The following ACACB variants were observed in gnomAD, a reference collection of about 807,000 sequenced individuals.
ACACB encodes acetyl-CoA carboxylase 2.
ACACB carries 209 observed loss-of-function variants against 278.8 expected under a neutral mutation model. That is an observed-to-expected ratio of 0.75 (90% confidence interval 0.67 to 0.84). The LOEUF (loss-of-function observed/expected upper bound fraction) is 0.84. Ranked by LOEUF, ACACB falls within the 40% of genes least tolerant of loss-of-function variation. ACACB has a pLI of 0.00. For missense variants in ACACB, 2,850 were observed against 3,269.0 expected, an observed-to-expected ratio of 0.87 and a Z score of 3.13; for synonymous variants, 1,174 against 1,285.6, an observed-to-expected ratio of 0.91 and a Z score of 1.86.
chr12:109,214,041 G>A (rs911915884), intron 22 of ACACB, among the ~76,000 whole-genome samples: 3 of 151,926 alleles, frequency 2.0e-5, no homozygotes, highest in South Asian at 2.1e-4. Flanking sequence ...GATCACTTGA[G>A]GCCAGGAGTT....
chr12:109,113,932 G>T (rs1182854085), upstream of ACACB, among the ~76,000 whole-genome samples: 3 of 152,124 alleles, frequency 2.0e-5, no homozygotes, highest in African/African-American at 7.2e-5. Context: ...CTGTAATTTG[G>T]GTCTGACAAC....
At chr12:109,192,046 C>T (rs1309083544) in intron 15 of ACACB, 96 bp downstream of exon 15, 1 of 1,285,000 alleles carries the variant, frequency 7.8e-7, no homozygotes, top group Non-Finnish European at 1.1e-6. Context: ...CAGTTAGTCA[C>T]CAGGCAATTG....
At chr12:109,125,203 G>A (rs759715059) in intron 1 of ACACB, 1 of 152,172 alleles carries the variant, frequency 6.6e-6, no homozygotes, top group Non-Finnish European at 1.5e-5. Flanking sequence ...TTTGTTTTGA[G>A]GGGTGTTACG....
At chr12:109,130,799 C>A (rs2042805057) in intron 1 of ACACB, among the ~76,000 whole-genome samples, 1 of 152,156 alleles carries the variant, frequency 6.6e-6, no homozygotes, top group Non-Finnish European at 1.5e-5. Context: ...CCCCTGACCA[C>A]CCCCTCTTTG....
At chr12:109,221,618 C>G (rs962662340) in intron 24 of ACACB, among the ~76,000 whole-genome samples, 1 of 152,166 alleles carries the variant, frequency 6.6e-6, no homozygotes, top group Non-Finnish European at 1.5e-5. Context: ...CGCCTTAAGT[C>G]AGGCAGCAAT....
intron 36 of ACACB, 31 bp downstream of exon 36, chr12:109,241,312 G>A (rs774324604): frequency 1.2e-6 from 2 of 1,602,992 alleles, no homozygotes; most frequent in South Asian, 1.1e-5. Context: ...GGGGGTCTAA[G>A]TCAAAGCAGA....
chr12:109,244,937 C>T (rs1458141055), intron 37 of ACACB, among the ~76,000 whole-genome samples: 2 of 152,106 alleles, frequency 1.3e-5, no homozygotes, highest in Non-Finnish European at 2.9e-5. Context: ...TGGTGGCTCA[C>T]GCCTGTAATC....
chr12:109,262,950 T>TATATATATATATATA (rs2047417089), intron 49 of ACACB: 1 of 62,470 alleles, frequency 1.6e-5, no homozygotes, highest in African/African-American at 3.8e-5. Context: ...CTTTTTAACA[T>TATATATATATATATA]TATATATATA....
At chr12:109,191,484 G>A (rs2044880530) in intron 13 of ACACB, 129 bp from the exon 14 acceptor site, 4 of 1,175,326 alleles carry the variant, frequency 3.4e-6, no homozygotes, top group Admixed American at 2.1e-5. Context: ...AAAGTGCTGG[G>A]ATTACAGGCG....
intron 1 of ACACB, among the ~76,000 whole-genome samples, chr12:109,121,140 A>G (rs549948083): frequency 1.3e-5 from 2 of 152,118 alleles, no homozygotes; most frequent in African/African-American, 4.8e-5. Flanking sequence ...GGGTTTCACC[A>G]TGTTGGCCAG....
In ACACB at chr12:109,209,349, A is replaced by T; in HGVS notation, c.3245A>T (p.Gln1082Leu). 1.2e-6 allele frequency: 2 copies of T among 1,609,008 alleles called. No individual in the cohort carries two copies. The change falls in exon 21 of 53, where the codon CAG becomes CTG. Residue 1082 changes from glutamine to leucine, a missense_variant. Around this residue, in one of 3 missense-constraint regions of ACACB, gnomAD observed 2,265 missense variants for 2,561.3 expected, o/e 0.88. Transcript: ENST00000338432. Reference protein sequence around the residue: ...ITSVLCQFPSQQIATILDCHA... With the variant: ...ITSVLCQFPSLQIATILDCHA... ...TCGGTGCTGTGCCAGTTCCCCAGCC[A>T]GCAGGTGCGTGCTCCCCTGCCCAGC...
chr12:109,148,503 T>C (rs186152024), intron 2 of ACACB, among the ~76,000 whole-genome samples: 2 of 152,302 alleles, frequency 1.3e-5, no homozygotes, highest in Non-Finnish European at 2.9e-5. Flanking sequence ...AGCTATGAAA[T>C]TGAAGTTCAT....
intron 1 of ACACB, among the ~76,000 whole-genome samples, chr12:109,118,709 C>T (rs1316813633): frequency 6.6e-5 from 10 of 152,102 alleles, no homozygotes; most frequent in Non-Finnish European, 1.5e-4. Flanking sequence ...CCACTGCACC[C>T]GGCCTGGAAT....
intron 22 of ACACB, among the ~76,000 whole-genome samples, chr12:109,214,333 G>C (rs1053468089): frequency 6.6e-6 from 1 of 152,144 alleles, no homozygotes; most frequent in African/African-American, 2.4e-5. Context: ...TTTCCCATGT[G>C]CCAGAAACTC....
rs1419599522 is a variant in ACACB, at chr12:109,264,290, C to A, written c.6846C>A (p.Arg2282=). 6.2e-7 allele frequency: 1 copy of A among 1,614,156 alleles called. No homozygotes were observed. The highest frequency in any genetic ancestry group is 8.5e-7 in the Non-Finnish European group (1 of 1,180,018). Residue 2282 remains arginine, a synonymous_variant, in exon 50 of 53, where the codon CGC becomes CGA. Transcript: ENST00000338432. ...ACCTGGAGGGCCGGCTAAAGGCTCG[C>A]GAGGACCTGCTGCTCCCCATCTACC... is the stretch of plus-strand genomic sequence containing the variant. ...RKDLEGRLKA[R]EDLLLPIYHQ...
intron 13 of ACACB, among the ~76,000 whole-genome samples, chr12:109,189,356 A>C (rs2044780117): frequency 6.6e-6 from 1 of 152,178 alleles, no homozygotes; most frequent in African/African-American, 2.4e-5. Flanking sequence ...TTTATGGAAG[A>C]TTGCAGCAAA....
intron 10 of ACACB, 56 bp downstream of exon 10, chr12:109,179,353 T>A (rs2044385848): frequency 3.9e-6 from 6 of 1,554,024 alleles, no homozygotes; most frequent in Non-Finnish European, 5.2e-6. Context: ...CAGCTCAGAG[T>A]CAGGAAGAAC....
rs767290540 is a variant in ACACB at position 109,201,649 on chromosome 12, C to T, written c.2861C>T (p.Ala954Val). 2 of 1,614,182 alleles carry T rather than the reference C, an allele frequency of 1.2e-6. No homozygotes were observed. Among genetic ancestry groups the T allele is most frequent in the Non-Finnish European group, 1.7e-6 (2 of 1,180,030 alleles). The change falls in exon 19 of 53, where the codon GCA becomes GTA. Residue 954 changes from alanine to valine, a missense_variant. This residue lies in a region of ACACB where 2,265 missense variants were observed against 2,561.3 expected (regional missense o/e 0.88). Transcript: ENST00000338432. ...YIKRPGAVLE[A>V]GCVVARLELD... ...AAGCGTCCAGGTGCCGTGCTGGAAG[C>T]AGGCTGCGTGGTGGCCAGGCTGGAG...
chr12:109,254,776 CTCT>C (rs1487641219), intron 44 of ACACB, among the ~76,000 whole-genome samples: 28 of 151,888 alleles, frequency 1.8e-4, no homozygotes, highest in African/African-American at 6.8e-4. Flanking sequence ...ATCTGGTCTC[CTCT>C]TCTTTTTTTT....
Sources: allele counts gnomAD v4.1 joint callset (sites outside exome capture counted in the v4.1 genomes callset), GRCh38; gene constraint gnomAD v4.1.1; regional missense constraint gnomAD v4.1.1; transcripts MANE v1.5; gene names NCBI Gene and HGNC (gene_info 2026-07-23, HGNC 2026-07-21).